Variants in ITGB8 observed in about 807,000 individuals in gnomAD.
The protein encoded by ITGB8 is integrin subunit beta 8.
Under a neutral mutation model 89.5 loss-of-function variants are expected in ITGB8, and 30 were observed. That is an observed-to-expected ratio of 0.34 (90% confidence interval 0.25 to 0.45). ITGB8 has a LOEUF of 0.45. Among genes scored for constraint, ITGB8 ranks in the 20% least tolerant of loss-of-function variants. The pLI is 1.00. For synonymous variants in ITGB8, 335 were observed against 320.4 expected, an observed-to-expected ratio of 1.05 and a Z score of -0.49; for missense variants, 836 against 933.3, an observed-to-expected ratio of 0.90 and a Z score of 1.36.
chr7:20,331,755 C>T lies in ITGB8; in HGVS notation c.-52C>T. On this transcript the variant is annotated 5_prime_UTR_variant, in exon 1 of 14. Coordinates refer to ENST00000222573, the MANE Select transcript of ITGB8 (RefSeq NM_002214.3). ...CGAGGTGCGCCCGGGAGGCGCGAGC[C>T]CGCGTCCGGAAGGCAGTCAGGCGGC... is the stretch of plus-strand genomic sequence containing the variant. 6.4e-7 allele frequency: 1 copy of T among 1,574,198 alleles called. No individual in the cohort carries two copies. The highest frequency in any genetic ancestry group is 1.1e-5 in the South Asian group (1 of 86,958).
At chr7:20,380,613 A>G in intron 4 of ITGB8, 53 bp from the exon 5 acceptor site, 1 of 1,421,762 alleles carries the variant, frequency 7.0e-7, no homozygotes, top group Non-Finnish European at 9.9e-7. Context: ...TAAGTATTCC[A>G]GAATGCTTAA....
intron 1 of ITGB8, among the ~76,000 whole-genome samples, chr7:20,337,636 T>C (rs1390732083): frequency 6.6e-6 from 1 of 152,218 alleles, no homozygotes; most frequent in East Asian, 1.9e-4. Flanking sequence ...TCTTAACTAA[T>C]AAATAATGGT....
chr7:20,372,193 T>G (rs1466104034), intron 3 of ITGB8, among the ~76,000 whole-genome samples: 1 of 152,232 alleles, frequency 6.6e-6, no homozygotes, highest in Non-Finnish European at 1.5e-5. Flanking sequence ...AAATTATAAG[T>G]TGCATTTTTT....
At chr7:20,393,627 G>A (rs1786954170) in intron 7 of ITGB8, among the ~76,000 whole-genome samples, 1 of 152,162 alleles carries the variant, frequency 6.6e-6, no homozygotes, top group Non-Finnish European at 1.5e-5. Context: ...TTGCCCCACT[G>A]TTCCTTGCCT....
rs746886746 is a variant in ITGB8, at chr7:20,404,684, C to A, written c.1744C>A (p.Arg582=). Residue 582 remains arginine (R), a synonymous_variant, in exon 11 of 14, where the codon CGA becomes AGA. Transcript: ENST00000222573. ...ATGCTTCAGTGGCTGGGAAGGTGATCGATGCCAGTGCCCTTCAGCAGCAGC... is the reference window on the plus strand; with the variant it reads ...ATGCTTCAGTGGCTGGGAAGGTGATAGATGCCAGTGCCCTTCAGCAGCAGC... ...CQCFSGWEGD[R]CQCPSAAAQH... 1 of 1,613,928 alleles carries A rather than the reference C, an allele frequency of 6.2e-7. No homozygotes were observed. The highest frequency in any genetic ancestry group is 8.5e-7 in the Non-Finnish European group (1 of 1,179,982).
In ITGB8 at chr7:20,414,201, A is replaced by G. The variant is rs1787859544; in HGVS notation, c.*4204A>G. On this transcript the variant is annotated 3_prime_UTR_variant, in exon 14 of 14. Transcript: ENST00000222573. ...CTAGGCAAATTTTGTTTTCTTATAAAGATTTGAGAGCCCATTTATGACAAA... is the reference window on the plus strand; with the variant it reads ...CTAGGCAAATTTTGTTTTCTTATAAGGATTTGAGAGCCCATTTATGACAAA... 1 of 152,128 alleles carries G rather than the reference A, an allele frequency of 6.6e-6. No individual in the cohort carries two copies. The highest frequency in any genetic ancestry group is 1.5e-5 in the Non-Finnish European group (1 of 67,980). The allele number at this position is 152,128 out of a possible 1,614,324, so 9.4% of individuals were successfully genotyped here. A position where few individuals can be genotyped will look rare whatever the true frequency, so the allele number is the denominator to read the frequency against.
At chr7:20,378,621 C>T (rs1241170833) in intron 3 of ITGB8, among the ~76,000 whole-genome samples, 1 of 152,000 alleles carries the variant, frequency 6.6e-6, no homozygotes, top group African/African-American at 2.4e-5. Flanking sequence ...TTAAAGATAC[C>T]TTCCCAGTTT....
intron 4 of ITGB8, chr7:20,379,975 G>A (rs946861266): frequency 6.6e-6 from 1 of 152,124 alleles, no homozygotes. Context: ...AAATCTGTAT[G>A]GATCTTTTTT....
intron 3 of ITGB8, 107 bp from the exon 4 acceptor site, chr7:20,378,944 A>T (rs1286346808): frequency 2.9e-6 from 2 of 688,896 alleles, no homozygotes; most frequent in Non-Finnish European, 4.4e-6. Context: ...TTTATGTGCA[A>T]ATTTGTGATG....
At position 20,401,984 on chromosome 7, in the gene ITGB8, G is replaced by C. The variant is rs758363970; in HGVS notation, c.1545G>C (p.Lys515Asn). The change falls in exon 10 of 14, where the codon AAG (lysine) becomes AAC (asparagine). Residue 515 changes from lysine to asparagine, a missense_variant. By Grantham distance (94) the Lys-to-Asn change is moderately conservative (BLOSUM62 0). Around this residue, in one of 5 missense-constraint regions of ITGB8, gnomAD observed 422 missense variants for 416.9 expected, o/e 1.01. Coordinates refer to ENST00000222573, the MANE Select transcript of ITGB8 (RefSeq NM_002214.3). ...CTTCTGAGAGTTGCAAGTCACACAAGGATCAGCCTGTTTGCAGTGGTCGAG... is the reference window on the plus strand; with the variant it reads ...CTTCTGAGAGTTGCAAGTCACACAACGATCAGCCTGTTTGCAGTGGTCGAG... ...QFSSESCKSH[K>N]DQPVCSGRGV... The C allele has an allele frequency of 1.2e-6, 2 of 1,614,184 alleles. No homozygotes were observed. Among genetic ancestry groups the C allele is most frequent in the Middle Eastern group, 3.3e-4 (2 of 6,062 alleles).
intron 1 of ITGB8, among the ~76,000 whole-genome samples, chr7:20,351,246 G>A (rs1200940614): frequency 1.3e-5 from 2 of 152,192 alleles, no homozygotes; most frequent in Non-Finnish European, 2.9e-5. Flanking sequence ...GGAGTTTTCA[G>A]TCATACTTTG....
At chr7:20,364,257 G>A (rs747743292) in intron 2 of ITGB8, among the ~76,000 whole-genome samples, 26 of 152,116 alleles carry the variant, frequency 1.7e-4, no homozygotes, top group Non-Finnish European at 2.8e-4. Context: ...CACTGAAGAA[G>A]CGATCTGCTA....
intron 1 of ITGB8, among the ~76,000 whole-genome samples, chr7:20,339,174 G>C (rs1170031576): frequency 1.5e-5 from 2 of 131,048 alleles, no homozygotes; most frequent in African/African-American, 2.9e-5. Context: ...CCTGGCGACA[G>C]AGCGAGACTC....
intron 8 of ITGB8, among the ~76,000 whole-genome samples, chr7:20,395,899 C>G (rs1328393242): frequency 6.6e-6 from 1 of 152,230 alleles, no homozygotes. Flanking sequence ...TGCGATACCA[C>G]CTGTTTTTCA....
chr7:20,339,353 T>A (rs1390967479), intron 1 of ITGB8, among the ~76,000 whole-genome samples: 1 of 152,218 alleles, frequency 6.6e-6, no homozygotes, highest in Non-Finnish European at 1.5e-5. Context: ...GTAAAAGGAC[T>A]ATTTTTCGAC....
At chr7:20,380,469 A>G in intron 4 of ITGB8, 197 bp from the exon 5 acceptor site, 1 of 539,376 alleles carries the variant, frequency 1.9e-6, no homozygotes, top group East Asian at 3.2e-5. Flanking sequence ...TTATAGTCTT[A>G]TTTCCTATTT....
intron 1 of ITGB8, among the ~76,000 whole-genome samples, chr7:20,333,792 T>A (rs11982847): frequency 0.25 from 38,500 of 152,088 alleles, 5,484 homozygotes; most frequent in Non-Finnish European, 0.32. Flanking sequence ...TGTATACTGA[T>A]TTGCATGGCA....
intron 1 of ITGB8, among the ~76,000 whole-genome samples, chr7:20,348,693 C>T (rs1207972002): frequency 2.0e-5 from 3 of 152,030 alleles, no homozygotes; most frequent in Admixed American, 6.6e-5. Flanking sequence ...CAAATTTAGC[C>T]GTTTCTGGTG....
rs188656624 is a variant in ITGB8, at chr7:20,358,142, T to A, written c.128-5495T>A. 5.4e-4 allele frequency among the ~76,000 whole-genome samples: 82 copies of A among 152,140 alleles called. No individual in the cohort carries two copies. In the East Asian group the frequency reaches 6.4e-3, roughly 12 times the overall value. On this transcript the variant is annotated intron_variant, in intron 1 of 13. Coordinates refer to ENST00000222573, the MANE Select transcript of ITGB8 (RefSeq NM_002214.3). ...CACCACACCCAGCTAATTTTTTGTA[T>A]CTTTAGTAGAGACGGGGTTTCACTG...
Sources: gnomAD v4.1 joint callset for allele counts (sites outside exome capture counted in the v4.1 genomes callset) on GRCh38, gnomAD v4.1.1 for gene constraint, gnomAD v4.1.1 regional missense constraint, MANE v1.5 for transcripts, NCBI Gene and HGNC (gene_info 2026-07-23, HGNC 2026-07-21) for gene names.